The following ISYNA1 variants were observed in gnomAD, a reference collection of about 807,000 sequenced individuals.
ISYNA1 encodes MI-1-P synthase.
In ISYNA1, 34 loss-of-function variants were observed where a neutral mutation model predicts 50.3. The observed-to-expected ratio is 0.68, with a 90% CI of 0.51 to 0.90. The LOEUF is 0.90. ISYNA1 is among the 40% of genes least tolerant of loss of function. The pLI is 0.00. For synonymous variants in ISYNA1, 396 were observed against 349.9 expected, an observed-to-expected ratio of 1.13 and a Z score of -1.47; for missense variants, 718 against 784.8, an observed-to-expected ratio of 0.91 and a Z score of 1.02.
At chr19:18,437,807 C>T in intron 2 of ISYNA1, 47 bp from the exon 3 acceptor site, 17 of 1,605,632 alleles carry the variant, frequency 1.1e-5, no homozygotes, top group Non-Finnish European at 1.4e-5. Context: ...GCCCTTCTCC[C>T]CGAGCCGCCC....
Position 18,435,439 on chromosome 19 carries a change from C to T in ISYNA1, c.1299G>A (p.Leu433=). The T allele has an allele frequency of 1.9e-6, 3 of 1,610,008 alleles. No individual in the cohort carries two copies. The highest frequency in any genetic ancestry group is 2.5e-6 in the Non-Finnish European group (3 of 1,179,878). Residue 433 remains leucine (L), a synonymous_variant, in exon 10 of 11, where the codon CTG becomes CTA. Coordinates refer to ENST00000338128, the MANE Select transcript of ISYNA1 (RefSeq NM_016368.5). ...AGCTCACGCGCTGGCACAGCTCGGT[C>T]AGCAGCGCTAGGTCCAGCATGATGG... is the stretch of plus-strand genomic sequence containing the variant. ...AAPIMLDLAL[L]TELCQRVSFC...
At position 18,436,040 on chromosome 19, in the gene ISYNA1, C is replaced by G. The variant is rs1401691108; in HGVS notation, c.967G>C (p.Gly323Arg). The change falls in exon 7 of 11, where the codon GGC becomes CGC. Residue 323 changes from glycine to arginine, a missense_variant. Gly to Arg is a moderately radical substitution (Grantham distance 125). This residue lies in a region of ISYNA1 where 403 missense variants were observed against 466.6 expected (regional missense o/e 0.86). Transcript: ENST00000338128. ...SVLVDFLIGSGLKTMSIVSYN... is the reference protein window; with the variant it reads ...SVLVDFLIGSRLKTMSIVSYN... ...TCCCTAGGCCCACGCACCTTGAGGC[C>G]GGAGCCAATGAGGAAGTCCACAAGC... 6.2e-7 allele frequency: 1 copy of G among 1,613,352 alleles called. No homozygotes were observed.
Position 18,437,027 on chromosome 19 carries a change from C to A in ISYNA1, c.361G>T (p.Val121Leu), listed in dbSNP as rs1389145187. Residue 121 changes from valine to leucine, a missense_variant, in exon 4 of 11, where the codon GTA becomes TTA. Physicochemically the swap from Val to Leu is conservative, Grantham distance 32. Around this residue, in one of 3 missense-constraint regions of ISYNA1, gnomAD observed 403 missense variants for 466.6 expected, o/e 0.86. Coordinates refer to ENST00000338128, the MANE Select transcript of ISYNA1 (RefSeq NM_016368.5). ...ATGGGCAGCACCGCGCTGAAGGGTACGAACACCTCCTGGCCCTCGGCGTCC... is the reference window on the plus strand; with the variant it reads ...ATGGGCAGCACCGCGCTGAAGGGTAAGAACACCTCCTGGCCCTCGGCGTCC... Reference protein sequence around the residue: ...GLDAEGQEVFVPFSAVLPMVA... With the variant: ...GLDAEGQEVFLPFSAVLPMVA... 6.2e-7 allele frequency: 1 copy of A among 1,610,316 alleles called. No individual in the cohort carries two copies. The highest frequency in any genetic ancestry group is 1.7e-5 in the Admixed American group (1 of 59,898).
Position 18,435,120 on chromosome 19 carries a change from G to GGA in ISYNA1, c.1473-5_1473-4dup, listed in dbSNP as rs1475826792. 1 of 1,613,068 alleles carries GGA rather than the reference G, an allele frequency of 6.2e-7. No homozygotes were observed. The highest frequency in any genetic ancestry group is 2.2e-5 in the East Asian group (1 of 44,874). ...GTGGCGGGAGCCCCACGCAGGCCCTGGAGAGGTCACACAGCTTAGCAGAGC... is the reference window on the plus strand; with the variant it reads ...GTGGCGGGAGCCCCACGCAGGCCCTGGAGAGAGGTCACACAGCTTAGCAGAGC... On this transcript the variant is annotated splice_region_variant and splice_polypyrimidine_tract_variant and intron_variant, in intron 10 of 10. Transcript: ENST00000338128.
rs773965876 is a variant in ISYNA1, at chr19:18,435,924, G to A, written c.976-3C>T. Reference sequence around the variant, plus strand: ...TTGTAACTCACGATGGACATGGTCTGTGGGTACAAGGGAAGCCCCAGCAGC... The same window carrying A: ...TTGTAACTCACGATGGACATGGTCTATGGGTACAAGGGAAGCCCCAGCAGC... On this transcript the variant is annotated splice_polypyrimidine_tract_variant and splice_region_variant and intron_variant, in intron 7 of 10. Transcript: ENST00000338128. 7 of 1,613,784 alleles carry A rather than the reference G, an allele frequency of 4.3e-6. No homozygotes were observed. Among genetic ancestry groups the A allele is most frequent in the African/African-American group, 1.3e-5 (1 of 74,934 alleles).
In ISYNA1 at chr19:18,434,872, G is replaced by T; in HGVS notation, c.*41C>A. On this transcript the variant is annotated 3_prime_UTR_variant, in exon 11 of 11. Coordinates refer to ENST00000338128, the MANE Select transcript of ISYNA1 (RefSeq NM_016368.5). ...GGCCTTCAAGGTAGGGTCGTGGGGG[G>T]CAGCGGGGAGGAAGAGCCGAGAAAC... The T allele has an allele frequency of 6.5e-7, 1 of 1,549,220 alleles. No individual in the cohort carries two copies. Among genetic ancestry groups the T allele is most frequent in the Non-Finnish European group, 8.9e-7 (1 of 1,124,118 alleles).
In ISYNA1 at chr19:18,435,369, G is replaced by A; in HGVS notation, c.1369C>T (p.Leu457=). The change falls in exon 10 of 11, where the codon CTG becomes TTG. Residue 457 remains leucine, a synonymous_variant. Coordinates refer to ENST00000338128, the MANE Select transcript of ISYNA1 (RefSeq NM_016368.5). ...TTGAAGAGGAAGCTGAGCAGGGACAGCACGGGGTGGAAGGTCTGCGGCTCG... is the reference window on the plus strand; with the variant it reads ...TTGAAGAGGAAGCTGAGCAGGGACAACACGGGGTGGAAGGTCTGCGGCTCG... ...DPEPQTFHPV[L]SLLSFLFKAP... is the part of the protein sequence containing the mutation. The A allele has an allele frequency of 1.2e-6, 2 of 1,611,238 alleles. No homozygotes were observed. The highest frequency in any genetic ancestry group is 1.7e-6 in the Non-Finnish European group (2 of 1,179,988).
chr19:18,437,265 C>G (rs1193369403), intron 3 of ISYNA1, 160 bp from the exon 4 acceptor site: 5 of 1,428,246 alleles, frequency 3.5e-6, no homozygotes, highest in Non-Finnish European at 4.6e-6. Flanking sequence ...CAGGCCCCTC[C>G]CCTGAGACCT....
intron 3 of ISYNA1, chr19:18,437,330 C>G: frequency 7.1e-7 from 1 of 1,406,878 alleles, no homozygotes; most frequent in Admixed American, 3.0e-5. Flanking sequence ...CGCTACCTCG[C>G]GAAACCCTTC....
chr19:18,435,492 C>G lies in ISYNA1; in HGVS notation c.1255-9G>C. ...GCGGCCAGCAGCGAGTCCTGCGGGG[C>G]GGGTGGGTCAGGAGATGGGGGCGGT... On this transcript the variant is annotated splice_polypyrimidine_tract_variant and intron_variant, in intron 9 of 10. Transcript: ENST00000338128. 1.9e-6 allele frequency: 3 copies of G among 1,608,176 alleles called. No homozygotes were observed. The highest frequency in any genetic ancestry group is 2.5e-6 in the Non-Finnish European group (3 of 1,179,356).
chr19:18,437,355 G>A, intron 3 of ISYNA1: 2 of 1,370,230 alleles, frequency 1.5e-6, no homozygotes, highest in Non-Finnish European at 1.9e-6. Flanking sequence ...GGGTCCGCCT[G>A]CAGCCAGGCC....
chr19:18,437,574 C>T (rs1974113241), intron 3 of ISYNA1, 25 bp downstream of exon 3: 5 of 980,154 alleles, frequency 5.1e-6, no homozygotes, highest in Non-Finnish European at 6.9e-6. Context: ...AGCCTCCCTA[C>T]CCACCACGCC....
chr19:18,437,785 C>A, intron 2 of ISYNA1, 25 bp from the exon 3 acceptor site: 1 of 1,597,328 alleles, frequency 6.3e-7, no homozygotes. Flanking sequence ...CGCAGTGAAT[C>A]CCGGGTCCCG....
At chr19:18,437,199 C>A in intron 3 of ISYNA1, 94 bp from the exon 4 acceptor site, 1 of 1,462,692 alleles carries the variant, frequency 6.8e-7, no homozygotes, top group East Asian at 2.5e-5. Flanking sequence ...AGCCCCGCCC[C>A]ACTTTCGGGC....
At position 18,435,258 on chromosome 19, in the gene ISYNA1, G is replaced by C. The variant is rs1457300704; in HGVS notation, c.1472+8C>G. 6.2e-7 allele frequency: 1 copy of C among 1,602,696 alleles called. No homozygotes were observed. The highest frequency in any genetic ancestry group is 8.5e-7 in the Non-Finnish European group (1 of 1,177,036). Reference sequence around the variant, plus strand: ...GCCCCGGGCGGGAACCTGGAGGCTGGGGTGCACCTGAGGATGTTCTCGATG... The same window carrying C: ...GCCCCGGGCGGGAACCTGGAGGCTGCGGTGCACCTGAGGATGTTCTCGATG... On this transcript the variant is annotated splice_region_variant and intron_variant, in intron 10 of 10. Coordinates refer to ENST00000338128, the MANE Select transcript of ISYNA1 (RefSeq NM_016368.5).
chr19:18,435,702 G>T, intron 8 of ISYNA1, 26 bp from the exon 9 acceptor site: 1 of 1,611,310 alleles, frequency 6.2e-7, no homozygotes, highest in East Asian at 2.2e-5. Flanking sequence ...AGTTTGCCCG[G>T]GTCCCTGCCA....
At chr19:18,436,586 GTCAA>G (rs1250907749) in intron 5 of ISYNA1, 94 bp downstream of exon 5, 2 of 1,597,018 alleles carry the variant, frequency 1.3e-6, no homozygotes. Context: ...TTCCCCGGGT[GTCAA>G]GTGAGGCCTG....
At position 18,437,124 on chromosome 19, in the gene ISYNA1, G is replaced by A. The variant is rs753676609; in HGVS notation, c.283-19C>T. 1.5e-5 allele frequency: 24 copies of A among 1,554,430 alleles called. No individual in the cohort carries two copies. Among genetic ancestry groups the A allele is most frequent in the Non-Finnish European group, 2.0e-5 (23 of 1,149,574 alleles). ...TGGCCTCCTGGGGGTCAGCAGACAC[G>A]GCGAGGTGACGGGTGGGAGTGGTGA... is the stretch of plus-strand genomic sequence containing the variant. On this transcript the variant is annotated intron_variant, in intron 3 of 10. Coordinates refer to ENST00000338128, the MANE Select transcript of ISYNA1 (RefSeq NM_016368.5).
chr19:18,436,148 C>T lies in ISYNA1; in HGVS notation c.859G>A (p.Gly287Arg), dbSNP rs752730989. 6 of 1,612,628 alleles carry T rather than the reference C, an allele frequency of 3.7e-6. No homozygotes were observed. The highest frequency in any genetic ancestry group is 1.1e-5 in the South Asian group (1 of 91,070). The change falls in exon 7 of 11, where the codon GGA becomes AGA. Residue 287 changes from glycine to arginine, a missense_variant. By Grantham distance (125) the Gly-to-Arg change is moderately radical. Coordinates refer to ENST00000338128, the MANE Select transcript of ISYNA1 (RefSeq NM_016368.5). ...NGSPQNTLVP[G>R]ALELAWQHRV... ...TGCTGCCACGCGAGCTCAAGAGCTC[C>T]GGGCACCAGGGTGTTCTGCGGAGAC...
Sources: gnomAD v4.1 joint callset for allele counts on GRCh38, gnomAD v4.1.1 for gene constraint, gnomAD v4.1.1 regional missense constraint, MANE v1.5 for transcripts, NCBI Gene and HGNC (gene_info 2026-07-23, HGNC 2026-07-21) for gene names.